Variants in POLR2D observed in about 807,000 individuals in gnomAD.
The protein encoded by POLR2D is DNA-directed RNA polymerase II subunit RPB4.
Under a neutral mutation model 17.6 loss-of-function variants are expected in POLR2D, and 10 were observed. That is an observed-to-expected ratio of 0.57 (90% CI 0.35 to 0.96). The LOEUF (loss-of-function observed/expected upper bound fraction) is 0.96. Among genes scored for constraint, POLR2D ranks in the 40% least tolerant of loss-of-function variants. The pLI is 0.02. For missense variants in POLR2D, 126 were observed against 176.4 expected (o/e 0.71, Z 1.62); for synonymous variants, 52 against 60.2 (o/e 0.86, Z 0.63).
chr2:127,849,988 A>G (rs1042274545), intron 3 of POLR2D, among the ~76,000 whole-genome samples: 1 of 152,210 alleles, frequency 6.6e-6, no homozygotes, highest in Non-Finnish European at 1.5e-5. Flanking sequence ...TGGAACTTGG[A>G]GTATATTCAT....
chr2:127,858,107 G>C lies in POLR2D; in HGVS notation c.-7C>G, dbSNP rs571997476. 6.7e-7 allele frequency: 1 copy of C among 1,483,946 alleles called. No homozygotes were observed. Among genetic ancestry groups the C allele is most frequent in the South Asian group, 1.3e-5 (1 of 76,742 alleles). The allele number at this position is 1,483,946 out of a possible 1,614,324, so 91.9% of individuals were successfully genotyped here. A position where few individuals can be genotyped will look rare whatever the true frequency, so the allele number is the denominator to read the frequency against. On this transcript the variant is annotated 5_prime_UTR_variant, in exon 1 of 4. Coordinates refer to ENST00000272645, the MANE Select transcript of POLR2D (RefSeq NM_004805.4). ...CGCTGCCACCCGCCGCCATCGCCGCGCCGCGCCGCGCGCCACCACCAGCGC... is the reference window on the plus strand; with the variant it reads ...CGCTGCCACCCGCCGCCATCGCCGCCCCGCGCCGCGCGCCACCACCAGCGC...
In POLR2D at chr2:127,843,651, T is replaced by G. The variant is rs1287403642; in HGVS notation, c.*4456A>C. 2.6e-5 allele frequency: 4 copies of G among 152,518 alleles called. No individual in the cohort carries two copies. In the East Asian group the frequency reaches 7.7e-4, roughly 29 times the overall value. 9.4% of individuals were successfully genotyped at this position (152,518 alleles called of 1,614,324 possible). On this transcript the variant is annotated 3_prime_UTR_variant, in exon 4 of 4. Coordinates refer to ENST00000272645, the MANE Select transcript of POLR2D (RefSeq NM_004805.4). ...TTTTTCATGCCTCAGGTCTAATAAA[T>G]CTTAATAAAACCAGAATGACTAGAT... is the stretch of plus-strand genomic sequence containing the variant.
In POLR2D at chr2:127,843,698, CT is replaced by C. The variant is rs1404258987; in HGVS notation, c.*4408del. The C allele has an allele frequency of 6.5e-6, 1 of 152,966 alleles. No homozygotes were observed. The highest frequency in any genetic ancestry group is 2.4e-5 in the African/African-American group (1 of 41,428). The allele number at this position is 152,966 out of a possible 1,614,324, so 9.5% of individuals were successfully genotyped here. On this transcript the variant is annotated 3_prime_UTR_variant, in exon 4 of 4. Transcript: ENST00000272645. Reference sequence around the variant, plus strand: ...AGATGCTATGGTCTGAATGTGCCCCCTCCCACCCAATTGATACATTGAACCC... The same window carrying C: ...AGATGCTATGGTCTGAATGTGCCCCCCCCACCCAATTGATACATTGAACCC...
chr2:127,856,310 G>T (rs114926138), intron 1 of POLR2D, among the ~76,000 whole-genome samples: 9,743 of 25,068 alleles, frequency 0.39, 676 homozygotes, highest in East Asian at 0.5. Context: ...AAAAAAAAAA[G>T]GCAGGGTGAG....
At position 127,853,020 on chromosome 2, in the gene POLR2D, G is replaced by A. The variant is rs890439748; in HGVS notation, c.159C>T (p.Asp53=). 1.5e-5 allele frequency: 24 copies of A among 1,613,114 alleles called. No homozygotes were observed. Among genetic ancestry groups the A allele is most frequent in the Admixed American group, 5.0e-5 (3 of 59,998 alleles). The part of the protein sequence containing the change: ...HRKQQNESAE[D]EQELSEVFMK... ...TGAAGACTTCTGAGAGCTCCTGTTC[G>A]TCCTCTGCACTCTCATTCTGCTGCT... Residue 53 remains aspartate (D), a synonymous_variant, in exon 2 of 4, where the codon GAC becomes GAT. Coordinates refer to ENST00000272645, the MANE Select transcript of POLR2D (RefSeq NM_004805.4).
At position 127,844,107 on chromosome 2, in the gene POLR2D, C is replaced by CAAAAAAAAAAAAAAAAAAAAAAA. The variant is rs76109896; in HGVS notation, c.*3999_*4000insTTTTTTTTTTTTTTTTTTTTTTT. ...CGACAGAGCAAGATCCTGCTGTATC[C>CAAAAAAAAAAAAAAAAAAAAAAA]AAAAAAAAAAAAAAAAAAAGCCTGG... On this transcript the variant is annotated 3_prime_UTR_variant, in exon 4 of 4. Coordinates refer to ENST00000272645, the MANE Select transcript of POLR2D (RefSeq NM_004805.4). 2 of 69,476 alleles carry CAAAAAAAAAAAAAAAAAAAAAAA rather than the reference C, an allele frequency of 2.9e-5. No individual in the cohort carries two copies. The highest frequency in any genetic ancestry group is 1.3e-4 in the African/African-American group (2 of 15,638). 4.3% of individuals were successfully genotyped at this position (69,476 alleles called of 1,614,324 possible).
Position 127,848,063 on chromosome 2 carries a change from T to C in POLR2D, c.*44A>G. On this transcript the variant is annotated 3_prime_UTR_variant, in exon 4 of 4. Transcript: ENST00000272645. Reference sequence around the variant, plus strand: ...CCCAGACAGTGGGAAGGTGGTGTTATGCCTGGGGATGTGGTTTCTCCGAGC... The same window carrying C: ...CCCAGACAGTGGGAAGGTGGTGTTACGCCTGGGGATGTGGTTTCTCCGAGC... 1.6e-6 allele frequency: 2 copies of C among 1,269,256 alleles called. No individual in the cohort carries two copies. Among genetic ancestry groups the C allele is most frequent in the South Asian group, 1.2e-5 (1 of 84,142 alleles). The allele number at this position is 1,269,256 out of a possible 1,614,324, so 78.6% of individuals were successfully genotyped here.
intron 1 of POLR2D, chr2:127,857,758 G>A (rs577461278): frequency 1.6e-6 from 2 of 1,236,660 alleles, no homozygotes; most frequent in East Asian, 7.2e-5. Flanking sequence ...TTAAAAATCT[G>A]TCCTTACCAC....
At chr2:127,850,859 G>GATT (rs1690240839) in intron 2 of POLR2D, among the ~76,000 whole-genome samples, 174 bp from the exon 3 acceptor site, 1 of 152,180 alleles carries the variant, frequency 6.6e-6, no homozygotes, top group Non-Finnish European at 1.5e-5. Flanking sequence ...GGCCAAGGTG[G>GATT]GTAATCACTT....
At chr2:127,855,981 G>A (rs151239179) in intron 1 of POLR2D, among the ~76,000 whole-genome samples, 10 of 152,212 alleles carry the variant, frequency 6.6e-5, no homozygotes, top group South Asian at 2.1e-4. Flanking sequence ...CCGAGGATAC[G>A]TCATTACGAC....
rs150565949 is a variant in POLR2D at position 127,844,279 on chromosome 2, G to A, written c.*3828C>T. ...TGCATTTGCCAGCCTCCAAAACTGT[G>A]AGAAATAAATTCCTATTATTTATAG... On this transcript the variant is annotated 3_prime_UTR_variant, in exon 4 of 4. Transcript: ENST00000272645. The A allele has an allele frequency of 6.6e-6, 1 of 152,200 alleles. No individual in the cohort carries two copies. The highest frequency in any genetic ancestry group is 1.5e-5 in the Non-Finnish European group (1 of 68,024). The allele number at this position is 152,200 out of a possible 1,614,324, so 9.4% of individuals were successfully genotyped here. A position where few individuals can be genotyped will look rare whatever the true frequency, so the allele number is the denominator to read the frequency against.
chr2:127,854,237 T>C (rs1018207301), intron 1 of POLR2D, among the ~76,000 whole-genome samples: 1 of 152,210 alleles, frequency 6.6e-6, no homozygotes, highest in African/African-American at 2.4e-5. Context: ...TCTACAATAG[T>C]TCTGTTAAAA....
chr2:127,850,554 C>T, intron 3 of POLR2D, 36 bp downstream of exon 3: 1 of 850,830 alleles, frequency 1.2e-6, no homozygotes, highest in Non-Finnish European at 1.9e-6. Context: ...AGGAATTTAT[C>T]CAGTATACAG....
At position 127,844,608 on chromosome 2, in the gene POLR2D, A is replaced by G. The variant is rs1690120960; in HGVS notation, c.*3499T>C. ...GCTGACCAGGCTTTCAACCTACAAC[A>G]GCATGAGGTTGCTTTACCAAGTTCC... is the stretch of plus-strand genomic sequence containing the variant. On this transcript the variant is annotated 3_prime_UTR_variant, in exon 4 of 4. Coordinates refer to ENST00000272645, the MANE Select transcript of POLR2D (RefSeq NM_004805.4). 2.0e-5 allele frequency: 3 copies of G among 152,210 alleles called. No homozygotes were observed. Among genetic ancestry groups the G allele is most frequent in the African/African-American group, 4.8e-5 (2 of 41,462 alleles). 9.4% of individuals were successfully genotyped at this position (152,210 alleles called of 1,614,324 possible).
intron 2 of POLR2D, among the ~76,000 whole-genome samples, chr2:127,851,246 C>CA (rs973192138): frequency 3.3e-5 from 5 of 151,530 alleles, no homozygotes; most frequent in Non-Finnish European, 5.9e-5. Context: ...CAAACAAAAC[C>CA]AAAAAAACAA....
chr2:127,851,953 G>A (rs890556563), intron 2 of POLR2D, among the ~76,000 whole-genome samples: 5 of 152,154 alleles, frequency 3.3e-5, no homozygotes, highest in African/African-American at 1.2e-4. Flanking sequence ...ACCACGCCCA[G>A]CTAATTTTTG....
intron 1 of POLR2D, among the ~76,000 whole-genome samples, chr2:127,853,707 GCCA>G (rs1346119083): frequency 6.6e-6 from 1 of 152,024 alleles, no homozygotes; most frequent in Non-Finnish European, 1.5e-5. Flanking sequence ...GCAGGCACAC[GCCA>G]CCACACCCTG....
intron 1 of POLR2D, chr2:127,856,953 T>G (rs1429800477): frequency 6.6e-6 from 1 of 152,066 alleles, no homozygotes; most frequent in Non-Finnish European, 1.5e-5. Context: ...GGATAATCAC[T>G]TGAGCCCAGG....
chr2:127,849,939 T>C (rs73955343), intron 3 of POLR2D, among the ~76,000 whole-genome samples: 3,513 of 152,300 alleles, frequency 0.023, 126 homozygotes, highest in African/African-American at 0.079. Flanking sequence ...TCTAAATTTG[T>C]GTGAGTTACC....
Sources: gnomAD v4.1 joint callset for allele counts (sites outside exome capture counted in the v4.1 genomes callset) on GRCh38, gnomAD v4.1.1 for gene constraint, MANE v1.5 for transcripts, NCBI Gene and HGNC (gene_info 2026-07-23, HGNC 2026-07-21) for gene names.